DOCK9: variants seen among roughly 807,000 people sequenced by gnomAD.
DOCK9 encodes dedicator of cytokinesis 9.
Under a neutral mutation model 263.3 loss-of-function variants are expected in DOCK9, and 89 were observed. The ratio of observed to expected loss-of-function variants is 0.34; its 90% CI spans 0.28 to 0.40. The LOEUF is 0.40. Ranked by LOEUF, DOCK9 falls within the 10% of genes least tolerant of loss-of-function variation. DOCK9 has a pLI of 1.00. For synonymous variants in DOCK9, 976 were observed against 973.1 expected (o/e 1.00, Z -0.06); for missense variants, 2,140 against 2,603.4 (o/e 0.82, Z 3.87).
At chr13:99,035,566 A>G (rs1040724116) in intron 1 of DOCK9, among the ~76,000 whole-genome samples, 4 of 152,202 alleles carry the variant, frequency 2.6e-5, no homozygotes, top group Non-Finnish European at 5.9e-5. Context: ...TTCTGCTACA[A>G]GGAAGTACTA....
chr13:98,906,432 A>G (rs1398773681), intron 9 of DOCK9, among the ~76,000 whole-genome samples: 1 of 152,080 alleles, frequency 6.6e-6, no homozygotes, highest in Admixed American at 6.5e-5. Flanking sequence ...CATCTTTATG[A>G]TTTTTCATGC....
chr13:99,063,156 C>A (rs894887608), intron 1 of DOCK9, among the ~76,000 whole-genome samples: 3 of 152,212 alleles, frequency 2.0e-5, no homozygotes, highest in Non-Finnish European at 4.4e-5. Flanking sequence ...AAAGAACCAA[C>A]AGGAAGGCTT....
At position 98,897,553 on chromosome 13, in the gene DOCK9, G is replaced by C; in HGVS notation, c.1644C>G (p.Ile548Met). The change falls in exon 15 of 53, where the codon ATC becomes ATG. Residue 548 changes from isoleucine (I) to methionine (M), a missense_variant. Ile to Met is a conservative substitution (Grantham distance 10). This residue lies in a region of DOCK9 where 1,521 missense variants were observed against 1,741.7 expected (regional missense o/e 0.87). Coordinates refer to ENST00000682017, the MANE Select transcript of DOCK9 (RefSeq NM_001366683.2). The stretch of plus-strand genomic sequence containing the variant: ...ATAGCTTATTGCTGTCTTGCCTGTA[G>C]ATGGCAGAAAATCTGGCATTTTTGT... ...NLDKNARFSAIYRQDSNKLSN... is the reference protein window; with the variant it reads ...NLDKNARFSAMYRQDSNKLSN... 1.2e-6 allele frequency: 2 copies of C among 1,613,974 alleles called. No homozygotes were observed. Among genetic ancestry groups the C allele is most frequent in the Non-Finnish European group, 1.7e-6 (2 of 1,179,866 alleles).
At chr13:98,956,412 T>C (rs1291125371) in intron 1 of DOCK9, among the ~76,000 whole-genome samples, 2 of 152,230 alleles carry the variant, frequency 1.3e-5, no homozygotes, top group East Asian at 1.9e-4. Flanking sequence ...TACTACAGTA[T>C]GCCAAATGCT....
intron 41 of DOCK9, among the ~76,000 whole-genome samples, chr13:98,830,909 C>T (rs1450648680): frequency 6.6e-6 from 1 of 152,120 alleles, no homozygotes; most frequent in East Asian, 1.9e-4. Flanking sequence ...TACAAAAATA[C>T]ACAAGTTTGG....
At chr13:99,084,188 A>G (rs181934442) in intron 1 of DOCK9, among the ~76,000 whole-genome samples, 21 of 152,318 alleles carry the variant, frequency 1.4e-4, no homozygotes, top group Middle Eastern at 3.4e-3. Flanking sequence ...GAGCCACTAG[A>G]GGAAGTAAGC....
Position 98,829,412 on chromosome 13 carries a change from G to T in DOCK9, c.4860C>A (p.Asp1620Glu). 1 of 1,613,940 alleles carries T rather than the reference G, an allele frequency of 6.2e-7. No homozygotes were observed. The highest frequency in any genetic ancestry group is 1.1e-5 in the South Asian group (1 of 91,050). The change falls in exon 43 of 53, where the codon GAC (aspartate) becomes GAA (glutamate). Residue 1620 changes from aspartate to glutamate, a missense_variant. Around this residue, in one of 2 missense-constraint regions of DOCK9, gnomAD observed 619 missense variants for 861.8 expected, o/e 0.72. Transcript: ENST00000682017. This position sits in a 1 kb window ranked among gnomAD's most constrained non-coding sequence, Gnocchi z 4.1. ...AGGATTTGGCCAGGCTGTACTGGAG[G>T]TCCACCAGCATCTCTGGGTCGTTCT... ...EHENDPEMLVDLQYSLAKSYA... is the reference protein window; with the variant it reads ...EHENDPEMLVELQYSLAKSYA...
intron 47 of DOCK9, among the ~76,000 whole-genome samples, chr13:98,808,110 T>C (rs1430209554): frequency 6.6e-6 from 1 of 152,196 alleles, no homozygotes; most frequent in African/African-American, 2.4e-5. Flanking sequence ...CCTGTTTCAC[T>C]TTCCCAAGAA....
chr13:98,796,137 A>C, intron 52 of DOCK9: 2 of 1,272,948 alleles, frequency 1.6e-6, no homozygotes, highest in East Asian at 2.5e-5. Flanking sequence ...GTAGTTGCTC[A>C]AACTCAAAAA....
chr13:98,937,854 G>A (rs1222989511), intron 2 of DOCK9, among the ~76,000 whole-genome samples: 3 of 152,160 alleles, frequency 2.0e-5, no homozygotes, highest in Admixed American at 1.3e-4. Flanking sequence ...AAAAAGAAAA[G>A]TTTTTTCCTC....
intron 27 of DOCK9, among the ~76,000 whole-genome samples, chr13:98,875,650 T>C (rs990202806): frequency 1.3e-5 from 2 of 152,146 alleles, no homozygotes; most frequent in African/African-American, 2.4e-5. Context: ...CTGTTGACCA[T>C]AGGGGCAGAG....
chr13:98,879,836 C>G, intron 27 of DOCK9, 62 bp downstream of exon 27: 1 of 1,414,560 alleles, frequency 7.1e-7, no homozygotes, highest in Non-Finnish European at 9.7e-7. Context: ...ACGTTCACTA[C>G]AAAGCAATGA....
intron 28 of DOCK9, 94 bp downstream of exon 28, chr13:98,868,137 G>A: frequency 1.3e-6 from 2 of 1,553,356 alleles, no homozygotes; most frequent in East Asian, 2.3e-5. Context: ...AACATTGCCA[G>A]AGCACCTACT....
At position 98,882,051 on chromosome 13, in the gene DOCK9, T is replaced by C. The variant is rs771889769; in HGVS notation, c.2560-44A>G. On this transcript the variant is annotated intron_variant, in intron 23 of 52. Transcript: ENST00000682017. Reference sequence around the variant, plus strand: ...ACAGTTCATGTTATCCTTCTAAAAGTAAACCAGCCTAAAGTAACTTCCACT... The same window carrying C: ...ACAGTTCATGTTATCCTTCTAAAAGCAAACCAGCCTAAAGTAACTTCCACT... The C allele has an allele frequency of 6.5e-5, 94 of 1,457,338 alleles. 2 individuals carry two copies. In the South Asian group the frequency reaches 1.1e-3, roughly 17 times the overall value. The allele number at this position is 1,457,338 out of a possible 1,614,324, so 90.3% of individuals were successfully genotyped here.
intron 1 of DOCK9, among the ~76,000 whole-genome samples, chr13:99,059,806 T>TCA (rs1174427120): frequency 6.6e-6 from 1 of 152,066 alleles, no homozygotes; most frequent in African/African-American, 2.4e-5. Flanking sequence ...CCATCAGCAG[T>TCA]CACTCTCCAT....
At chr13:98,902,599 T>A (rs1370160660) in intron 11 of DOCK9, 108 bp from the exon 12 acceptor site, 2 of 1,027,678 alleles carry the variant, frequency 1.9e-6, no homozygotes, top group Admixed American at 4.5e-5. Flanking sequence ...TTGCCATAAA[T>A]TACTACTAAA....
intron 2 of DOCK9, chr13:98,950,582 C>T (rs1167781598): frequency 2.4e-5 from 7 of 287,914 alleles, no homozygotes; most frequent in Middle Eastern, 1.0e-3. Context: ...GGGTTACAGG[C>T]GTGAGCCAAC....
intron 18 of DOCK9, among the ~76,000 whole-genome samples, chr13:98,887,549 G>C (rs1463903543): frequency 7.3e-6 from 1 of 136,330 alleles, no homozygotes; most frequent in Non-Finnish European, 1.5e-5. Flanking sequence ...CTGGGAGGCA[G>C]TGCTTGCAGT....
chr13:98,922,794 T>C (rs1382344776), intron 5 of DOCK9, among the ~76,000 whole-genome samples: 1 of 152,230 alleles, frequency 6.6e-6, no homozygotes, highest in Non-Finnish European at 1.5e-5. Context: ...CATTGTCTTC[T>C]TGTGAGGTTT....
Sources: allele counts gnomAD v4.1 joint callset (sites outside exome capture counted in the v4.1 genomes callset), GRCh38; gene constraint gnomAD v4.1.1; regional missense constraint gnomAD v4.1.1; non-coding constraint Gnocchi (gnomAD v3.1); transcripts MANE v1.5; gene names NCBI Gene and HGNC (gene_info 2026-07-23, HGNC 2026-07-21).